The following RBPJ variants were observed in gnomAD, a reference collection of about 807,000 sequenced individuals.
The protein encoded by RBPJ is recombination signal binding protein for immunoglobulin kappa J region.
In RBPJ, 9 loss-of-function variants were observed where a neutral mutation model predicts 67.8. That is an observed-to-expected ratio of 0.13 (90% CI 0.08 to 0.23). The LOEUF is 0.23. RBPJ is among the 10% of genes least tolerant of loss of function. The pLI, the probability that RBPJ is intolerant of heterozygous loss-of-function variation, is 1.00. For synonymous variants in RBPJ, 198 were observed against 203.3 expected, an observed-to-expected ratio of 0.97 and a Z score of 0.22; for missense variants, 305 against 595.6, an observed-to-expected ratio of 0.51 and a Z score of 5.08.
At chr4:26,122,347 A>G in the RBPJ span, among the ~76,000 whole-genome samples, 3 of 152,226 alleles carry the variant, frequency 2.0e-5, no homozygotes, top group African/African-American at 7.2e-5. Context: ...ACAAGGAACC[A>G]AAAGCATCCT....
intron 1 of RBPJ, among the ~76,000 whole-genome samples, chr4:26,170,066 G>A (rs1026628233): frequency 1.3e-5 from 2 of 152,162 alleles, no homozygotes; most frequent in East Asian, 1.9e-4. Flanking sequence ...GCTGGCGCAC[G>A]GTGCGCTGCA....
chr4:26,211,827 T>C (rs976392404), intron 1 of RBPJ, among the ~76,000 whole-genome samples: 2 of 152,126 alleles, frequency 1.3e-5, no homozygotes, highest in African/African-American at 4.8e-5. Flanking sequence ...ATAGGGTCAT[T>C]ATAGAAGTAA....
intron 1 of RBPJ, among the ~76,000 whole-genome samples, chr4:26,353,733 C>A (rs1365593974): frequency 6.6e-6 from 1 of 151,292 alleles, no homozygotes; most frequent in African/African-American, 2.4e-5. Flanking sequence ...CTCAGCCTCC[C>A]GAGTAGCTGG....
chr4:26,317,370 G>C (rs535593389), upstream of RBPJ, among the ~76,000 whole-genome samples: 10 of 152,292 alleles, frequency 6.6e-5, no homozygotes, highest in Non-Finnish European at 1.3e-4. Flanking sequence ...GGAGCTGAAA[G>C]TGTGCTTGGG....
intron 1 of RBPJ, among the ~76,000 whole-genome samples, chr4:26,196,786 C>T (rs1309023091): frequency 6.6e-6 from 1 of 152,204 alleles, no homozygotes; most frequent in Non-Finnish European, 1.5e-5. Context: ...TCCCCCAGCC[C>T]TTCCTGACTG....
At chr4:26,175,983 C>T (rs1716782718) in intron 1 of RBPJ, among the ~76,000 whole-genome samples, 1 of 152,178 alleles carries the variant, frequency 6.6e-6, no homozygotes, top group African/African-American at 2.4e-5. Flanking sequence ...CACTGAGCCC[C>T]TGGGCAGGGC....
chr4:26,278,363 T>A (rs1382322968), intron 1 of RBPJ, among the ~76,000 whole-genome samples: 1 of 152,160 alleles, frequency 6.6e-6, no homozygotes, highest in Admixed American at 6.5e-5. Flanking sequence ...CAGATATATA[T>A]GTAGGCAATC....
chr4:26,182,790 C>A (rs573426132), intron 1 of RBPJ, among the ~76,000 whole-genome samples: 1 of 152,148 alleles, frequency 6.6e-6, no homozygotes, highest in Non-Finnish European at 1.5e-5. Context: ...TGAGCCACCA[C>A]CCGGCTTACT....
intron 1 of RBPJ, among the ~76,000 whole-genome samples, chr4:26,217,041 G>T (rs904434964): frequency 9.8e-5 from 15 of 152,292 alleles, no homozygotes; most frequent in African/African-American, 3.6e-4. Flanking sequence ...CAGATAAGGT[G>T]CTCTTTGAGA....
intron 1 of RBPJ, among the ~76,000 whole-genome samples, chr4:26,353,887 C>T (rs1727067660): frequency 6.6e-6 from 1 of 151,754 alleles, no homozygotes; most frequent in African/African-American, 2.4e-5. Flanking sequence ...GCTGGGATTA[C>T]AGTTGTAAGC....
chr4:26,185,274 AC>A (rs1717199791), intron 1 of RBPJ, among the ~76,000 whole-genome samples: 1 of 151,182 alleles, frequency 6.6e-6, no homozygotes, highest in Non-Finnish European at 1.5e-5. Flanking sequence ...GGTATTTCTC[AC>A]CCTCTAAGTT....
intron 1 of RBPJ, among the ~76,000 whole-genome samples, chr4:26,202,261 A>C (rs1165773680): frequency 3.9e-5 from 6 of 152,094 alleles, no homozygotes; most frequent in Non-Finnish European, 8.8e-5. Flanking sequence ...ATTTCTAAAA[A>C]AAGACAACCA....
Position 26,353,896 on chromosome 4 carries a change from G to C in RBPJ, c.21-32457G>C, listed in dbSNP as rs76518677. Among the ~76,000 whole-genome samples, 10 of 151,858 alleles carry C rather than the reference G, an allele frequency of 6.6e-5. No individual in the cohort carries two copies. In the East Asian group the frequency reaches 1.7e-3, roughly 27 times the overall value. On this transcript the variant is annotated intron_variant, in intron 1 of 10. Transcript: ENST00000355476. ...CAAAGTGCTGGGATTACAGTTGTAAGCTACTGTGCCCTGCCACAGTATTCT... is the reference window on the plus strand; with the variant it reads ...CAAAGTGCTGGGATTACAGTTGTAACCTACTGTGCCCTGCCACAGTATTCT...
chr4:26,399,523 C>T (rs1347844455), intron 2 of RBPJ, among the ~76,000 whole-genome samples: 1 of 148,018 alleles, frequency 6.8e-6, no homozygotes, highest in African/African-American at 2.5e-5. Flanking sequence ...TTTTTCTTTC[C>T]TTTTTTTTTT....
intron 1 of RBPJ, among the ~76,000 whole-genome samples, chr4:26,291,851 T>C (rs1454639288): frequency 1.3e-5 from 2 of 150,890 alleles, no homozygotes; most frequent in African/African-American, 4.9e-5. Context: ...TCTGGGATTA[T>C]AGGTGTGAGT....
intron 1 of RBPJ, among the ~76,000 whole-genome samples, chr4:26,324,778 C>T (rs1452849706): frequency 6.6e-6 from 1 of 152,188 alleles, no homozygotes; most frequent in African/African-American, 2.4e-5. Flanking sequence ...ATCTGCCCAC[C>T]TTGGCCTCCC....
At chr4:26,132,853 TCCTTA>T in the RBPJ span, among the ~76,000 whole-genome samples, 2 of 151,850 alleles carry the variant, frequency 1.3e-5, no homozygotes, top group African/African-American at 4.8e-5. Flanking sequence ...GGGGGCAGGG[TCCTTA>T]CCTAACAACC....
At chr4:26,410,284 A>G (rs902285533) in intron 3 of RBPJ, 1 of 165,912 alleles carries the variant, frequency 6.0e-6, no homozygotes, top group African/African-American at 2.4e-5. Flanking sequence ...GGCATACAAA[A>G]TAACTCCAGT....
rs759035808 is a variant in RBPJ, at chr4:26,386,357, T to G, written c.25T>G (p.Phe9Val). Residue 9 changes from phenylalanine (F) to valine (V), a missense_variant, in exon 2 of 11, where the codon TTT becomes GTT. Phe to Val is a conservative substitution (Grantham distance 50). This residue lies in a region of RBPJ where 42 missense variants were observed against 43.6 expected (regional missense o/e 0.96). Transcript: ENST00000355476. ...TCTTTATTTTTTTTTTTCCAGGAAA[T>G]TTGGTGAGCGGCCTCCACCTAAACG... MAPVVTGKFGERPPPKRLT... is the reference protein window; with the variant it reads MAPVVTGKVGERPPPKRLT... The G allele has an allele frequency of 6.2e-7, 1 of 1,601,424 alleles. No individual in the cohort carries two copies. The highest frequency in any genetic ancestry group is 8.5e-7 in the Non-Finnish European group (1 of 1,173,680).
Sources: gnomAD v4.1 joint callset for allele counts (sites outside exome capture counted in the v4.1 genomes callset) on GRCh38, gnomAD v4.1.1 for gene constraint, gnomAD v4.1.1 regional missense constraint, MANE v1.5 for transcripts, NCBI Gene and HGNC (gene_info 2026-07-23, HGNC 2026-07-21) for gene names.